Variants in ATP2B2 observed in about 807,000 individuals in gnomAD.
ATP2B2 encodes ATPase plasma membrane Ca2+ transporting 2.
Under a neutral mutation model 120.0 loss-of-function variants are expected in ATP2B2, and 15 were observed. The ratio of observed to expected loss-of-function variants is 0.12; its 90% CI spans 0.08 to 0.19. The LOEUF is 0.19. Ranked by LOEUF, ATP2B2 falls within the 10% of genes least tolerant of loss-of-function variation. ATP2B2 has a pLI of 1.00. For synonymous variants in ATP2B2, 694 were observed against 700.3 expected, an observed-to-expected ratio of 0.99 and a Z score of 0.14; for missense variants, 1,045 against 1,719.8, an observed-to-expected ratio of 0.61 and a Z score of 6.94.
intron 1 of ATP2B2, among the ~76,000 whole-genome samples, chr3:10,504,339 G>A (rs1002233942): frequency 6.6e-6 from 1 of 152,134 alleles, no homozygotes; most frequent in African/African-American, 2.4e-5. Context: ...TACCCCAAAC[G>A]TCAGCTCTGC....
At chr3:10,510,558 C>T (rs544650095), upstream of ATP2B2, among the ~76,000 whole-genome samples, 1 of 152,338 alleles carries the variant, frequency 6.6e-6, no homozygotes, top group African/African-American at 2.4e-5. Flanking sequence ...AAACCTTAGC[C>T]CCGTGAGGGT....
intron 2 of ATP2B2, among the ~76,000 whole-genome samples, chr3:10,616,989 C>A (rs902830066): frequency 6.6e-6 from 1 of 152,188 alleles, no homozygotes; most frequent in African/African-American, 2.4e-5. Context: ...TGAACATTTT[C>A]TCCTCCATTA....
chr3:10,667,386 G>A (rs1575606275), intron 1 of ATP2B2, among the ~76,000 whole-genome samples: 1 of 152,150 alleles, frequency 6.6e-6, no homozygotes, highest in Non-Finnish European at 1.5e-5. Flanking sequence ...AGGCTGAGGG[G>A]GCTGGGTGCG....
intron 1 of ATP2B2, among the ~76,000 whole-genome samples, chr3:10,633,524 A>G (rs536936741): frequency 6.6e-6 from 1 of 152,344 alleles, no homozygotes; most frequent in South Asian, 2.1e-4. Flanking sequence ...CTAACACTTT[A>G]GTATGAATTT....
At chr3:10,338,396 C>T in intron 21 of ATP2B2, 38 bp from the exon 22 acceptor site, 2 of 1,612,974 alleles carry the variant, frequency 1.2e-6, no homozygotes, top group South Asian at 2.2e-5. Context: ...GTGGGGCTGT[C>T]CTTCCCAGTG....
At chr3:10,707,584 C>G (rs1408730304) in intron 1 of ATP2B2, among the ~76,000 whole-genome samples, 2 of 152,104 alleles carry the variant, frequency 1.3e-5, no homozygotes, top group Non-Finnish European at 2.9e-5. Flanking sequence ...GGACGCCCCC[C>G]CAGCTCCGGG....
Position 10,629,695 on chromosome 3 carries a change from C to T in ATP2B2, c.-459-9734G>A, listed in dbSNP as rs1429290752. Among the ~76,000 whole-genome samples the T allele has an allele frequency of 2.0e-5, 3 of 152,224 alleles. No individual in the cohort carries two copies. The East Asian group carries it at 5.8e-4, about 29-fold the overall frequency. On this transcript the variant is annotated intron_variant, in intron 1 of 21. Transcript: ENST00000646379. The stretch of plus-strand genomic sequence containing the variant: ...CCAGAGTCCAGCTCCACTGCCCAAG[C>T]TTCACCTGCATGCGCTCATTCTAAA...
intron 6 of ATP2B2, chr3:10,387,848 G>A (rs2061726449): frequency 3.8e-6 from 1 of 264,730 alleles, no homozygotes; most frequent in Middle Eastern, 1.5e-3. Flanking sequence ...CCATGTCTTG[G>A]ATGAATCTAT....
Position 10,652,987 on chromosome 3 carries a change from G to A in ATP2B2, c.-459-33026C>T, listed in dbSNP as rs76751213. Among the ~76,000 whole-genome samples the A allele has an allele frequency of 1.6e-3, 246 of 152,294 alleles. 1 individual carries two copies. Among genetic ancestry groups the A allele is most frequent in the Non-Finnish European group, 2.3e-3 (155 of 68,040 alleles). The stretch of plus-strand genomic sequence containing the variant: ...GGGTACAGCGTTTCAGTTAAGGAAG[G>A]TGAAAAAGTTCTGGAGATGGATGGT... On this transcript the variant is annotated intron_variant, in intron 1 of 21. Transcript: ENST00000646379.
At chr3:10,478,363 T>G (rs1264043579) in intron 1 of ATP2B2, among the ~76,000 whole-genome samples, 1 of 152,264 alleles carries the variant, frequency 6.6e-6, no homozygotes, top group Non-Finnish European at 1.5e-5. Context: ...GCATTAAAGT[T>G]TTTAACTTTG....
At chr3:10,527,055 C>T (rs751611299) in intron 3 of ATP2B2, among the ~76,000 whole-genome samples, 18 of 152,172 alleles carry the variant, frequency 1.2e-4, no homozygotes, top group Admixed American at 2.0e-4. Context: ...CCAGCTAAAC[C>T]GTTTGCAAAC....
chr3:10,527,147 C>T (rs1279447874), intron 3 of ATP2B2, among the ~76,000 whole-genome samples: 1 of 152,220 alleles, frequency 6.6e-6, no homozygotes, highest in Non-Finnish European at 1.5e-5. Flanking sequence ...CACCTCTGAG[C>T]TGGGCAGGTA....
chr3:10,663,615 G>A (rs1183651458), intron 1 of ATP2B2, among the ~76,000 whole-genome samples: 2 of 152,238 alleles, frequency 1.3e-5, no homozygotes, highest in East Asian at 1.9e-4. Flanking sequence ...CTGCCAAGGC[G>A]ACTCCAGTAA....
chr3:10,488,306 T>A (rs111215214), intron 1 of ATP2B2, among the ~76,000 whole-genome samples: 2 of 132,404 alleles, frequency 1.5e-5, no homozygotes, highest in South Asian at 2.5e-4. Context: ...CCCACCTATC[T>A]ATTCATTCAC....
chr3:10,592,415 A>G (rs1249848290), intron 2 of ATP2B2, among the ~76,000 whole-genome samples: 1 of 152,250 alleles, frequency 6.6e-6, no homozygotes, highest in Non-Finnish European at 1.5e-5. Context: ...TCCCACACCC[A>G]TGGCCCTTCC....
intron 2 of ATP2B2, among the ~76,000 whole-genome samples, chr3:10,442,543 A>G (rs868276459): frequency 5.3e-5 from 8 of 152,352 alleles, no homozygotes; most frequent in African/African-American, 1.7e-4. Flanking sequence ...CATTCTGGAA[A>G]GCATCCACAC....
intron 2 of ATP2B2, among the ~76,000 whole-genome samples, chr3:10,443,234 C>T (rs184739854): frequency 6.6e-6 from 1 of 152,162 alleles, no homozygotes; most frequent in Admixed American, 6.5e-5. Flanking sequence ...GAGCAGGGAA[C>T]CTTTCTGATC....
intron 2 of ATP2B2, among the ~76,000 whole-genome samples, chr3:10,413,957 C>G (rs1410852624): frequency 2.0e-5 from 3 of 152,186 alleles, no homozygotes; most frequent in Non-Finnish European, 4.4e-5. Context: ...TGGCAGTTTG[C>G]TGTGGCTTTG....
At chr3:10,452,481 C>T (rs1163305332) in intron 1 of ATP2B2, among the ~76,000 whole-genome samples, 1 of 152,190 alleles carries the variant, frequency 6.6e-6, no homozygotes, top group Non-Finnish European at 1.5e-5. Context: ...TTACATTAAG[C>T]AGTGCTCTTC....
Sources: gnomAD v4.1 joint callset for allele counts (sites outside exome capture counted in the v4.1 genomes callset) on GRCh38, gnomAD v4.1.1 for gene constraint, MANE v1.5 for transcripts, NCBI Gene and HGNC (gene_info 2026-07-23, HGNC 2026-07-21) for gene names.